PRR5L: variants seen among roughly 807,000 people sequenced by gnomAD.
The protein encoded by PRR5L is proline-rich protein 5-like.
A neutral mutation model predicts 36.4 loss-of-function variants in PRR5L; 21 were observed. The observed-to-expected ratio is 0.58, with a 90% CI of 0.41 to 0.83. The LOEUF (loss-of-function observed/expected upper bound fraction) is 0.83. Among genes scored for constraint, PRR5L ranks in the 40% least tolerant of loss-of-function variants. The probability of loss-of-function intolerance (pLI) is 0.00; values close to 1 mark genes in which losing one functional copy is unlikely to be tolerated. For missense variants in PRR5L, 381 were observed against 473.3 expected, an observed-to-expected ratio of 0.80 and a Z score of 1.81; for synonymous variants, 188 against 197.0, an observed-to-expected ratio of 0.95 and a Z score of 0.38.
intron 1 of PRR5L, among the ~76,000 whole-genome samples, chr11:36,346,586 GA>G (rs756982821): frequency 0.024 from 3,382 of 140,058 alleles, 67 homozygotes; most frequent in Non-Finnish European, 0.036. Flanking sequence ...CCATCTCAAA[GA>G]AAAAAAAAAA....
intron 5 of PRR5L, among the ~76,000 whole-genome samples, chr11:36,435,738 G>A (rs749522328): frequency 1.6e-4 from 25 of 152,088 alleles, no homozygotes; most frequent in Non-Finnish European, 3.7e-4. Context: ...AAAGGAAAAT[G>A]TTCATGCTAA....
At chr11:36,346,374 G>C (rs1856865535) in intron 1 of PRR5L, among the ~76,000 whole-genome samples, 1 of 152,240 alleles carries the variant, frequency 6.6e-6, no homozygotes, top group South Asian at 2.1e-4. Context: ...ACGAGGTCAG[G>C]AGATCGAGAC....
At chr11:36,402,785 C>G (rs1193933902) in intron 2 of PRR5L, among the ~76,000 whole-genome samples, 2 of 152,222 alleles carry the variant, frequency 1.3e-5, no homozygotes, top group African/African-American at 4.8e-5. Flanking sequence ...TGCCGGTACA[C>G]CTCACACGAG....
chr11:36,452,824 G>C (rs180764289), intron 8 of PRR5L, among the ~76,000 whole-genome samples: 1 of 152,216 alleles, frequency 6.6e-6, no homozygotes, highest in Non-Finnish European at 1.5e-5. Flanking sequence ...TAAGCTCTTA[G>C]TTGGAACAGA....
chr11:36,358,116 T>C (rs973958664), intron 1 of PRR5L, among the ~76,000 whole-genome samples: 2 of 152,234 alleles, frequency 1.3e-5, no homozygotes, highest in African/African-American at 4.8e-5. Flanking sequence ...CTGATGAAGA[T>C]GCTGTGAACA....
chr11:36,389,202 T>A (rs1857516961), intron 1 of PRR5L, among the ~76,000 whole-genome samples: 1 of 152,130 alleles, frequency 6.6e-6, no homozygotes, highest in African/African-American at 2.4e-5. Context: ...TCAGAGGGTA[T>A]GGCCTTTGTC....
chr11:36,365,092 C>T (rs981398781), intron 1 of PRR5L, among the ~76,000 whole-genome samples: 1 of 152,188 alleles, frequency 6.6e-6, no homozygotes, highest in African/African-American at 2.4e-5. Context: ...TAAATAATGG[C>T]TGCTCATGCT....
rs116614718 is a variant in PRR5L at position 36,357,004 on chromosome 11, C to T, written c.-125-43993C>T. ...AAGCTAGACCTCTTGGGCCAAACAG[C>T]CAAGTTCTGAATGCAAAGGAAAAGT... On this transcript the variant is annotated intron_variant, in intron 1 of 8. Coordinates refer to ENST00000530639, the MANE Select transcript of PRR5L (RefSeq NM_001160167.2). Among the ~76,000 whole-genome samples the T allele has an allele frequency of 2.8e-3, 430 of 152,220 alleles. 5 individuals are homozygous for T. The highest frequency in any genetic ancestry group is 9.9e-3 in the African/African-American group (412 of 41,520).
At chr11:36,375,634 T>C (rs1044128888) in intron 1 of PRR5L, among the ~76,000 whole-genome samples, 3 of 152,218 alleles carry the variant, frequency 2.0e-5, no homozygotes, top group African/African-American at 7.2e-5. Context: ...ATGCAGGTAG[T>C]GAGTCCTGCA....
intron 1 of PRR5L, among the ~76,000 whole-genome samples, chr11:36,335,688 A>G (rs1280193790): frequency 6.6e-6 from 1 of 152,206 alleles, no homozygotes; most frequent in African/African-American, 2.4e-5. Flanking sequence ...CAAATACAAC[A>G]TGGTCTACTT....
chr11:36,425,977 G>A (rs1858374171), intron 4 of PRR5L: 1 of 152,284 alleles, frequency 6.6e-6, no homozygotes, highest in Admixed American at 6.5e-5. Flanking sequence ...CCACCCCTCT[G>A]GGGTAGGAAA....
At chr11:36,421,248 G>A (rs1484146001) in intron 4 of PRR5L, among the ~76,000 whole-genome samples, 1 of 152,192 alleles carries the variant, frequency 6.6e-6, no homozygotes, top group Non-Finnish European at 1.5e-5. Flanking sequence ...GTCTTTTGGT[G>A]CTGGGGGTTA....
Position 36,451,305 on chromosome 11 carries a change from C to T in PRR5L, c.682C>T (p.Arg228Cys), listed in dbSNP as rs755302249. 8 of 1,614,060 alleles carry T rather than the reference C, an allele frequency of 5.0e-6. No individual in the cohort carries two copies. The highest frequency in any genetic ancestry group is 2.2e-5 in the East Asian group (1 of 44,898). Residue 228 changes from arginine to cysteine, a missense_variant, in exon 8 of 9, where the codon CGT becomes TGT. Arg to Cys is a radical substitution (Grantham distance 180). Transcript: ENST00000530639. Reference sequence around the variant, plus strand: ...TCCTTTCCTCGGCATCAGCGGGGACCGTAGCTTCTCAGGCCCCACGTACAC... The same window carrying T: ...TCCTTTCCTCGGCATCAGCGGGGACTGTAGCTTCTCAGGCCCCACGTACAC... Reference protein sequence around the residue: ...VSPFLGISGDRSFSGPTYTLA... With the variant: ...VSPFLGISGDCSFSGPTYTLA...
intron 1 of PRR5L, among the ~76,000 whole-genome samples, chr11:36,329,686 G>T (rs563571752): frequency 2.0e-5 from 3 of 152,136 alleles, no homozygotes; most frequent in African/African-American, 7.2e-5. Flanking sequence ...TGCTTTATTG[G>T]AACTTTTATA....
intron 1 of PRR5L, chr11:36,376,048 T>G: frequency 5.4e-6 from 4 of 746,932 alleles, no homozygotes; most frequent in Non-Finnish European, 8.2e-6. Flanking sequence ...AGATCTCCCG[T>G]TGTGTGAGAG....
chr11:36,431,303 G>A (rs898691746), intron 4 of PRR5L, among the ~76,000 whole-genome samples: 2 of 152,098 alleles, frequency 1.3e-5, no homozygotes, highest in African/African-American at 2.4e-5. Flanking sequence ...TAGACAGGAC[G>A]CTCAACAATT....
intron 1 of PRR5L, among the ~76,000 whole-genome samples, chr11:36,369,454 C>T (rs1857176327): frequency 1.3e-5 from 2 of 152,138 alleles, no homozygotes; most frequent in Admixed American, 1.3e-4. Flanking sequence ...GGACAATCCA[C>T]TGCCCCATTC....
intron 1 of PRR5L, among the ~76,000 whole-genome samples, chr11:36,345,950 G>C (rs1306657600): frequency 6.6e-6 from 1 of 152,226 alleles, no homozygotes; most frequent in African/African-American, 2.4e-5. Flanking sequence ...ACTGCTGCTT[G>C]AAGAGGCTTA....
intron 1 of PRR5L, among the ~76,000 whole-genome samples, chr11:36,322,814 G>T (rs971647547): frequency 3.3e-5 from 5 of 152,076 alleles, no homozygotes; most frequent in Non-Finnish European, 7.4e-5. Flanking sequence ...ACCTTATTTG[G>T]GTCTTAATCC....
Sources: gnomAD v4.1 joint callset for allele counts (sites outside exome capture counted in the v4.1 genomes callset) on GRCh38, gnomAD v4.1.1 for gene constraint, MANE v1.5 for transcripts, NCBI Gene and HGNC (gene_info 2026-07-23, HGNC 2026-07-21) for gene names.